The following ARRDC2 variants were observed in gnomAD, a reference collection of about 807,000 sequenced individuals.
The protein encoded by ARRDC2 is arrestin domain containing 2.
ARRDC2 carries 39 observed loss-of-function variants against 38.9 expected under a neutral mutation model. That is an observed-to-expected ratio of 1.00 (90% CI 0.78 to 1.31). The LOEUF (loss-of-function observed/expected upper bound fraction) is 1.31. ARRDC2 is among the 50% of genes most tolerant of loss of function. The pLI is 0.00. For synonymous variants in ARRDC2, 300 were observed against 261.9 expected, an observed-to-expected ratio of 1.15 and a Z score of -1.41; for missense variants, 553 against 588.4, an observed-to-expected ratio of 0.94 and a Z score of 0.62.
At chr19:18,011,499 G>A (rs1037827066) in intron 7 of ARRDC2, among the ~76,000 whole-genome samples, 1 of 152,056 alleles carries the variant, frequency 6.6e-6, no homozygotes, top group Admixed American at 6.6e-5. Flanking sequence ...TAGCTGGTTT[G>A]GAATCTGCAG....
chr19:18,006,945 A>T (rs8113660), upstream of ARRDC2, among the ~76,000 whole-genome samples: 3,255 of 152,246 alleles, frequency 0.021, 135 homozygotes, highest in African/African-American at 0.073. Flanking sequence ...CCATCCTCCC[A>T]GGCAGCCTTC....
At chr19:18,002,737 C>T (rs1404225908) in intron 1 of ARRDC2, among the ~76,000 whole-genome samples, 2 of 152,160 alleles carry the variant, frequency 1.3e-5, no homozygotes, top group African/African-American at 2.4e-5. Context: ...CCTTCCCCGG[C>T]GACTCGGAGA....
At chr19:18,001,967 G>T (rs1448477715) in intron 1 of ARRDC2, among the ~76,000 whole-genome samples, 1 of 152,138 alleles carries the variant, frequency 6.6e-6, no homozygotes, top group East Asian at 1.9e-4. Context: ...GTCTACCCAG[G>T]GTCTGGGTGT....
At chr19:18,012,884 C>T in intron 7 of ARRDC2, 29 bp from the exon 8 acceptor site, 5 of 1,608,344 alleles carry the variant, frequency 3.1e-6, no homozygotes, top group Non-Finnish European at 3.4e-6. Context: ...CCAGTGTTCT[C>T]TGAGGCTTAA....
chr19:18,004,100 G>C (rs1315322209), upstream of ARRDC2, among the ~76,000 whole-genome samples: 1 of 149,728 alleles, frequency 6.7e-6, no homozygotes, highest in African/African-American at 2.4e-5. Flanking sequence ...ATAAAAATTG[G>C]CTGGGCGCAG....
upstream of ARRDC2, among the ~76,000 whole-genome samples, chr19:18,006,512 G>A (rs1347479998): frequency 1.3e-5 from 2 of 152,300 alleles, no homozygotes; most frequent in South Asian, 4.1e-4. Context: ...GCAGGCACTC[G>A]GCAGGCTGAG....
chr19:18,010,361 A>C lies in ARRDC2; in HGVS notation c.1012+3A>C. ...GGCCTTGCCGGAGCGGCCTGAGGGT[A>C]AGCTCCCACCCTGCTTGCATGCAGA... is the stretch of plus-strand genomic sequence containing the variant. On this transcript the variant is annotated splice_donor_region_variant and intron_variant, in intron 6 of 7. Transcript: ENST00000222250. The C allele has an allele frequency of 5.6e-6, 9 of 1,607,400 alleles. No homozygotes were observed. Among genetic ancestry groups the C allele is most frequent in the Non-Finnish European group, 7.6e-6 (9 of 1,179,380 alleles).
intron 3 of ARRDC2, 96 bp downstream of exon 3, chr19:18,009,214 G>C (rs2033351847): frequency 7.0e-7 from 1 of 1,435,052 alleles, no homozygotes; most frequent in East Asian, 2.5e-5. Context: ...GGAGGTCATA[G>C]GTGGGCCCTG....
upstream of ARRDC2, chr19:18,008,121 ACCC>A: frequency 2.7e-6 from 1 of 364,078 alleles, no homozygotes; most frequent in African/African-American, 2.9e-5. Flanking sequence ...CGGTGACCCC[ACCC>A]CCCCCCGCCC....
At chr19:18,001,864 G>A (rs1009695271) in intron 1 of ARRDC2, among the ~76,000 whole-genome samples, 3 of 152,146 alleles carry the variant, frequency 2.0e-5, no homozygotes, top group Non-Finnish European at 2.9e-5. Flanking sequence ...CTTGAGCCTG[G>A]GAGGTAGAGG....
rs1253994944 is a variant in ARRDC2, at chr19:18,012,924, C to T, written c.1182C>T (p.Asn394=). The T allele has an allele frequency of 1.9e-6, 3 of 1,613,884 alleles. No homozygotes were observed. The East Asian group carries it at 6.7e-5, about 36-fold the overall frequency. Residue 394 remains asparagine (N), a synonymous_variant, in exon 8 of 8, where the codon AAC becomes AAT. Coordinates refer to ENST00000222250, the MANE Select transcript of ARRDC2 (RefSeq NM_015683.2). The part of the protein sequence containing the change: ...PPPLYSEEDP[N]PLLGDMRPRC... ...AACATTTCTCTTAGGAGGATCCAAA[C>T]CCACTCTTGGGGGACATGAGGCCGC...
chr19:18,005,973 C>T (rs2033268238), upstream of ARRDC2, among the ~76,000 whole-genome samples: 1 of 151,106 alleles, frequency 6.6e-6, no homozygotes, highest in South Asian at 2.1e-4. Flanking sequence ...CCGAGGCTCT[C>T]CTCACATCCC....
upstream of ARRDC2, chr19:18,008,121 A>AAAAAAACCCCCCCCC: frequency 2.7e-6 from 1 of 364,080 alleles, no homozygotes; most frequent in Non-Finnish European, 4.2e-6. Flanking sequence ...CGGTGACCCC[A>AAAAAAACCCCCCCCC]CCCCCCCCCG....
rs1057094096 is a variant in ARRDC2, at chr19:18,008,531, G to C, written c.221G>C (p.Ser74Thr). The C allele has an allele frequency of 6.4e-7, 1 of 1,552,248 alleles. No homozygotes were observed. The highest frequency in any genetic ancestry group is 2.4e-5 in the East Asian group (1 of 41,848). The stretch of plus-strand genomic sequence containing the variant: ...GGCTCGAGCACGGCTTACACGCAGA[G>C]CTACAGTGAACGCGTGGAGGTCGTG... ...SAGSSTAYTQ[S>T]YSERVEVVSH... Residue 74 changes from serine (S) to threonine (T), a missense_variant, in exon 1 of 8, where the codon AGC becomes ACC. Around this residue, in one of 3 missense-constraint regions of ARRDC2, gnomAD observed 447 missense variants for 456.6 expected, o/e 0.98. Coordinates refer to ENST00000222250, the MANE Select transcript of ARRDC2 (RefSeq NM_015683.2).
At chr19:18,001,610 G>A (rs1201169349) in intron 1 of ARRDC2, 3 of 1,298,406 alleles carry the variant, frequency 2.3e-6, no homozygotes, top group South Asian at 2.1e-5. Flanking sequence ...CAGCAGCCGG[G>A]ACCCCCTCGG....
At chr19:18,002,587 C>T (rs914083604) in intron 1 of ARRDC2, among the ~76,000 whole-genome samples, 14 of 152,204 alleles carry the variant, frequency 9.2e-5, no homozygotes, top group Non-Finnish European at 4.4e-5. Context: ...CTCGACAGCC[C>T]CACTTTTTTC....
rs199725979 is a variant in ARRDC2 at position 18,009,586 on chromosome 19, C to G, written c.490-6C>G. On this transcript the variant is annotated splice_region_variant and splice_polypyrimidine_tract_variant and intron_variant, in intron 3 of 7. Transcript: ENST00000222250. ...TCATCCATGTCACTTTCCTCTACAC[C>G]GACAGGCACCTCAAGCGGGGGCTCG... 4.0e-5 allele frequency: 64 copies of G among 1,593,080 alleles called. No homozygotes were observed. Among genetic ancestry groups the G allele is most frequent in the Admixed American group, 5.2e-5 (3 of 58,150 alleles).
chr19:18,001,522 G>C, exon 1 of ARRDC2: 1 of 1,389,888 alleles, frequency 7.2e-7, no homozygotes, highest in Non-Finnish European at 9.4e-7. Context: ...CGTATCCAGC[G>C]ACTACGCGGC....
chr19:18,008,049 T>C (rs1419258221), upstream of ARRDC2: 6 of 1,032,420 alleles, frequency 5.8e-6, no homozygotes, highest in Non-Finnish European at 6.5e-6. Flanking sequence ...GCTCCACGCC[T>C]GGGCAGAGCC....
Sources: allele counts gnomAD v4.1 joint callset (sites outside exome capture counted in the v4.1 genomes callset), GRCh38; gene constraint gnomAD v4.1.1; regional missense constraint gnomAD v4.1.1; transcripts MANE v1.5; gene names NCBI Gene and HGNC (gene_info 2026-07-23, HGNC 2026-07-21).